The following TCERG1L variants were observed in gnomAD, a reference collection of about 807,000 sequenced individuals.
TCERG1L encodes transcription elongation regulator 1-like protein.
A neutral mutation model predicts 56.3 loss-of-function variants in TCERG1L; 37 were observed. The observed-to-expected ratio is 0.66, with a 90% confidence interval of 0.51 to 0.87. The LOEUF (loss-of-function observed/expected upper bound fraction) is 0.87. Among genes scored for constraint, TCERG1L ranks in the 40% least tolerant of loss-of-function variants. The pLI is 0.00. For synonymous variants in TCERG1L, 324 were observed against 326.3 expected (o/e 0.99, Z 0.08); for missense variants, 799 against 774.2 (o/e 1.03, Z -0.38).
At chr10:131,159,439 A>C in intron 6 of TCERG1L, among the ~76,000 whole-genome samples, 1 of 152,082 alleles carries the variant, frequency 6.6e-6, no homozygotes, top group East Asian at 1.9e-4. Flanking sequence ...TAGAAAGTTC[A>C]CGGCGGCCAC....
Position 131,311,257 on chromosome 10 carries a change from C to T in TCERG1L, c.342+37G>A. ...AGGGCGCGCCCAGGAGCAGGGGAGA[C>T]GGCGACCCGGGCCGAGGCGGGACGG... is the stretch of plus-strand genomic sequence containing the variant. On this transcript the variant is annotated intron_variant, in intron 1 of 11. Transcript: ENST00000368642. This position sits in a 1 kb window ranked among gnomAD's most constrained non-coding sequence, Gnocchi z 4.0. 11 of 1,173,242 alleles carry T rather than the reference C, an allele frequency of 9.4e-6. No individual in the cohort carries two copies. The highest frequency in any genetic ancestry group is 1.2e-5 in the Non-Finnish European group (11 of 949,776). 72.7% of individuals were successfully genotyped at this position (1,173,242 alleles called of 1,614,324 possible). A position where few individuals can be genotyped will look rare whatever the true frequency, so the allele number is the denominator to read the frequency against.
In TCERG1L at chr10:131,311,152, G is replaced by C; in HGVS notation, c.342+142C>G. The C allele has an allele frequency of 1.6e-6, 1 of 613,428 alleles. No homozygotes were observed. The highest frequency in any genetic ancestry group is 2.3e-6 in the Non-Finnish European group (1 of 443,624). 38.0% of individuals were successfully genotyped at this position (613,428 alleles called of 1,614,324 possible). A position where few individuals can be genotyped will look rare whatever the true frequency, so the allele number is the denominator to read the frequency against. ...CTTTCTCGCCGAGGCACGGCTGCCG[G>C]GCTCCGTCCTGAGGGTTTGGGGCGG... On this transcript the variant is annotated intron_variant, in intron 1 of 11. Coordinates refer to ENST00000368642, the MANE Select transcript of TCERG1L (RefSeq NM_174937.4). This position sits in a 1 kb window ranked among gnomAD's most constrained non-coding sequence, Gnocchi z 4.0.
At position 131,134,437 on chromosome 10, in the gene TCERG1L, C is replaced by T. The variant is rs747190401; in HGVS notation, c.1201G>A (p.Asp401Asn). Residue 401 changes from aspartate (D) to asparagine (N), a missense_variant, in exon 8 of 12, where the codon GAT becomes AAT. Asp to Asn is a conservative substitution (Grantham distance 23). Coordinates refer to ENST00000368642, the MANE Select transcript of TCERG1L (RefSeq NM_174937.4). The stretch of plus-strand genomic sequence containing the variant: ...CTGTTGTCTTCAGAACTGGACCCAT[C>T]GCTGTTGTCAGCTGAAAGAAAATCA... ...KLEAPATDNS[D>N]GSSSEDNRED... 15 of 1,593,354 alleles carry T rather than the reference C, an allele frequency of 9.4e-6. No individual in the cohort carries two copies. Among genetic ancestry groups the T allele is most frequent in the South Asian group, 2.3e-5 (2 of 87,146 alleles).
Position 131,260,546 on chromosome 10 carries a change from T to C in TCERG1L, c.671-102A>G, listed in dbSNP as rs549503757. 1.1e-5 allele frequency: 14 copies of C among 1,285,118 alleles called. No individual in the cohort carries two copies. The South Asian group carries it at 3.1e-4, about 29-fold the overall frequency. The allele number at this position is 1,285,118 out of a possible 1,614,324, so 79.6% of individuals were successfully genotyped here. A position where few individuals can be genotyped will look rare whatever the true frequency, so the allele number is the denominator to read the frequency against. ...AAGATATCAGCCCCCAGAAAACAGG[T>C]GAGGGGGGCGCTACCCCTCTTTAAT... is the stretch of plus-strand genomic sequence containing the variant. On this transcript the variant is annotated intron_variant, in intron 3 of 11. Transcript: ENST00000368642. This position sits in a 1 kb window ranked among gnomAD's most constrained non-coding sequence, Gnocchi z 5.8.
intron 4 of TCERG1L, among the ~76,000 whole-genome samples, chr10:131,174,594 C>T (rs1232088625): frequency 6.6e-6 from 1 of 152,196 alleles, no homozygotes; most frequent in East Asian, 1.9e-4. Context: ...CGTTGAACTC[C>T]ACTATAAATG....
chr10:131,294,505 A>G (rs1846667423), intron 3 of TCERG1L, among the ~76,000 whole-genome samples: 1 of 152,094 alleles, frequency 6.6e-6, no homozygotes, highest in Non-Finnish European at 1.5e-5. Context: ...GCTGTCCTCA[A>G]CCTTGGCCCA....
chr10:131,177,499 G>A (rs548829460), intron 4 of TCERG1L, among the ~76,000 whole-genome samples: 4 of 152,384 alleles, frequency 2.6e-5, no homozygotes, highest in African/African-American at 9.6e-5. Context: ...CTTCTCTGAT[G>A]AGAACTGTGT....
intron 4 of TCERG1L, among the ~76,000 whole-genome samples, chr10:131,205,420 G>C (rs181123903): frequency 2.0e-4 from 30 of 151,402 alleles, no homozygotes; most frequent in Admixed American, 1.7e-3. Flanking sequence ...GGGAGAAAAA[G>C]TTAGACTCTG....
Position 131,148,099 on chromosome 10 carries a change from C to T in TCERG1L, c.1035-1439G>A, listed in dbSNP as rs189250990. ...GGAGCCAAAATGATGGCTCCAAAGA[C>T]GTCCACGTCCTGATCCCTAGAACAG... On this transcript the variant is annotated intron_variant, in intron 6 of 11. Transcript: ENST00000368642. Among the ~76,000 whole-genome samples, 64 of 152,340 alleles carry T rather than the reference C, an allele frequency of 4.2e-4. No homozygotes were observed. In the East Asian group the frequency reaches 9.1e-3, roughly 22 times the overall value.
chr10:131,216,775 G>A (rs867420882), intron 4 of TCERG1L, among the ~76,000 whole-genome samples: 5 of 152,176 alleles, frequency 3.3e-5, no homozygotes, highest in Admixed American at 1.3e-4. Flanking sequence ...TGCTGGCTGC[G>A]GGCCAGGCAT....
rs550653721 is a variant in TCERG1L, at chr10:131,139,605, GCA to G, written c.1190-5159_1190-5158del. Among the ~76,000 whole-genome samples, 470 of 152,188 alleles carry G rather than the reference GCA, an allele frequency of 3.1e-3. 3 individuals carry two copies. Among genetic ancestry groups the G allele is most frequent in the African/African-American group, 0.01 (434 of 41,510 alleles). ...TCAATCTCTAACATGTTTTATTAAT[GCA>G]CACACACCAATATCTATGTATGTTT... On this transcript the variant is annotated intron_variant, in intron 7 of 11. Coordinates refer to ENST00000368642, the MANE Select transcript of TCERG1L (RefSeq NM_174937.4).
chr10:131,109,012 G>A (rs1845383251), intron 9 of TCERG1L, among the ~76,000 whole-genome samples: 1 of 151,842 alleles, frequency 6.6e-6, no homozygotes, highest in African/African-American at 2.4e-5. Context: ...CCACGGGTGT[G>A]ACATGGGCCC....
chr10:131,250,136 C>T (rs765269297), intron 4 of TCERG1L, among the ~76,000 whole-genome samples: 3 of 152,162 alleles, frequency 2.0e-5, no homozygotes, highest in Admixed American at 6.5e-5. Context: ...GCACGCCTGA[C>T]GGGGGCTGGC....
At chr10:131,168,607 C>G (rs1337431054) in intron 4 of TCERG1L, among the ~76,000 whole-genome samples, 1 of 152,202 alleles carries the variant, frequency 6.6e-6, no homozygotes, top group Non-Finnish European at 1.5e-5. Context: ...CATTCCACCC[C>G]TGACTCCCCT....
intron 4 of TCERG1L, among the ~76,000 whole-genome samples, chr10:131,219,008 C>T (rs2133496570): frequency 6.6e-6 from 1 of 152,310 alleles, no homozygotes; most frequent in African/African-American, 2.4e-5. Flanking sequence ...TCCTCCTGGG[C>T]ACTGGTCACC....
intron 11 of TCERG1L, among the ~76,000 whole-genome samples, chr10:131,093,977 C>T (rs1428619503): frequency 6.6e-6 from 1 of 152,192 alleles, no homozygotes; most frequent in Non-Finnish European, 1.5e-5. Context: ...AAGTAGTGAG[C>T]CCCAAACACT....
At chr10:131,283,882 T>G (rs57283867) in intron 3 of TCERG1L, among the ~76,000 whole-genome samples, 11,273 of 152,038 alleles carry the variant, frequency 0.074, 519 homozygotes, top group African/African-American at 0.12. Context: ...CATCACTTTG[T>G]GAGGCGGAGG....
At chr10:131,143,229 G>A (rs955682269) in intron 7 of TCERG1L, among the ~76,000 whole-genome samples, 1 of 152,178 alleles carries the variant, frequency 6.6e-6, no homozygotes, top group Non-Finnish European at 1.5e-5. Flanking sequence ...GAAGTCCACG[G>A]AACCAAGTGT....
At chr10:131,243,982 A>G (rs1341500906) in intron 4 of TCERG1L, among the ~76,000 whole-genome samples, 1 of 152,242 alleles carries the variant, frequency 6.6e-6, no homozygotes, top group Admixed American at 6.5e-5. Context: ...CTGTCCCACA[A>G]AAGCTAAGGT....
Sources: allele counts gnomAD v4.1 joint callset (sites outside exome capture counted in the v4.1 genomes callset), GRCh38; gene constraint gnomAD v4.1.1; non-coding constraint Gnocchi (gnomAD v3.1); transcripts MANE v1.5; gene names NCBI Gene and HGNC (gene_info 2026-07-23, HGNC 2026-07-21).